GRM7: variants seen among roughly 807,000 people sequenced by gnomAD.
GRM7 encodes the protein glutamate metabotropic receptor 7, also known as metabotropic glutamate receptor 7.
In GRM7, 35 loss-of-function variants were observed where a neutral mutation model predicts 84.5. The observed-to-expected ratio is 0.41, with a 90% CI of 0.32 to 0.55. The LOEUF (loss-of-function observed/expected upper bound fraction) is 0.55. Ranked by LOEUF, GRM7 falls within the 20% of genes least tolerant of loss-of-function variation. GRM7 has a pLI of 0.19. For synonymous variants in GRM7, 487 were observed against 455.1 expected (o/e 1.07, Z -0.89); for missense variants, 1,003 against 1,194.6 (o/e 0.84, Z 2.36).
intron 6 of GRM7, among the ~76,000 whole-genome samples, chr3:7,453,739 T>G (rs1311295668): frequency 1.3e-5 from 2 of 152,028 alleles, no homozygotes; most frequent in Non-Finnish European, 2.9e-5. Context: ...TTCATTGGAA[T>G]AGGCATGATC....
chr3:7,738,988 G>C (rs1468035938), intron 9 of GRM7, among the ~76,000 whole-genome samples: 1 of 152,178 alleles, frequency 6.6e-6, no homozygotes, highest in Admixed American at 6.5e-5. Context: ...ATCAAATGAG[G>C]ACATACGGTG....
intron 2 of GRM7, among the ~76,000 whole-genome samples, chr3:7,267,174 C>A (rs548989718): frequency 6.6e-6 from 1 of 152,174 alleles, no homozygotes; most frequent in Non-Finnish European, 1.5e-5. Context: ...TCGAAGTTCA[C>A]TGATTGATAC....
chr3:7,056,215 C>T (rs1196389675), intron 1 of GRM7, among the ~76,000 whole-genome samples: 1 of 152,010 alleles, frequency 6.6e-6, no homozygotes, highest in East Asian at 1.9e-4. Context: ...CAACGCAGGG[C>T]TTCTGGCAGC....
intron 1 of GRM7, among the ~76,000 whole-genome samples, chr3:7,095,274 T>A (rs975892794): frequency 6.6e-6 from 1 of 152,166 alleles, no homozygotes; most frequent in Non-Finnish European, 1.5e-5. Flanking sequence ...GAGTCTCCAG[T>A]TCCACTCTTT....
intron 2 of GRM7, among the ~76,000 whole-genome samples, chr3:7,170,891 T>C (rs1469961623): frequency 6.6e-6 from 1 of 152,204 alleles, no homozygotes; most frequent in Non-Finnish European, 1.5e-5. Flanking sequence ...CATTTCCTCC[T>C]GGTCCTTCAA....
intron 7 of GRM7, among the ~76,000 whole-genome samples, chr3:7,497,467 G>T (rs906008189): frequency 1.3e-5 from 2 of 152,080 alleles, no homozygotes; most frequent in Non-Finnish European, 2.9e-5. Context: ...ATTTACTACA[G>T]TCTCTACCAA....
chr3:7,311,974 A>G (rs929046910), intron 4 of GRM7, among the ~76,000 whole-genome samples: 4 of 152,188 alleles, frequency 2.6e-5, no homozygotes, highest in African/African-American at 9.6e-5. Flanking sequence ...AAATGCTTTT[A>G]CCTGTAAGAA....
chr3:7,172,349 A>G (rs987171910), intron 2 of GRM7, among the ~76,000 whole-genome samples: 1 of 152,204 alleles, frequency 6.6e-6, no homozygotes, highest in African/African-American at 2.4e-5. Flanking sequence ...AAGGTAAGGA[A>G]GTGAACAGGA....
chr3:7,051,768 G>A (rs1436381962), intron 1 of GRM7, among the ~76,000 whole-genome samples: 1 of 151,698 alleles, frequency 6.6e-6, no homozygotes, highest in Non-Finnish European at 1.5e-5. Flanking sequence ...TTCTGCAGTA[G>A]TTCCTATTGA....
chr3:7,084,730 A>G (rs1698384515), intron 1 of GRM7, among the ~76,000 whole-genome samples: 2 of 152,144 alleles, frequency 1.3e-5, no homozygotes, highest in Admixed American at 1.3e-4. Flanking sequence ...TTAATAAATC[A>G]GTTTTAGTTG....
chr3:7,309,699 G>C (rs1700324159), intron 4 of GRM7, among the ~76,000 whole-genome samples: 1 of 152,074 alleles, frequency 6.6e-6, no homozygotes, highest in Non-Finnish European at 1.5e-5. Flanking sequence ...CTTTGAAAGT[G>C]GCCTTTCTCT....
At chr3:7,365,725 C>T (rs2125110893) in intron 4 of GRM7, among the ~76,000 whole-genome samples, 1 of 147,120 alleles carries the variant, frequency 6.8e-6, no homozygotes, top group African/African-American at 2.5e-5. Context: ...ATAATTTATA[C>T]TTTATCTCTT....
chr3:7,165,560 T>C (rs1222363395), intron 2 of GRM7, among the ~76,000 whole-genome samples: 1 of 152,226 alleles, frequency 6.6e-6, no homozygotes, highest in Non-Finnish European at 1.5e-5. Context: ...TAACAGAATG[T>C]AACATTGGTA....
rs1699980790 is a variant in GRM7 at position 7,672,941 on chromosome 3, C to T, written c.2452-7108C>T. Among the ~76,000 whole-genome samples, 4 of 152,076 alleles carry T rather than the reference C, an allele frequency of 2.6e-5. No individual in the cohort carries two copies. In the South Asian group the frequency reaches 6.2e-4, roughly 24 times the overall value. ...ATGGAAGCAAACTAAACGAGATGTTCCCCCTAAAACAGGCTGTTGTTTTTC... is the reference window on the plus strand; with the variant it reads ...ATGGAAGCAAACTAAACGAGATGTTTCCCCTAAAACAGGCTGTTGTTTTTC... On this transcript the variant is annotated intron_variant, in intron 8 of 9. Transcript: ENST00000357716.
At chr3:6,893,063 T>G (rs1272660235) in intron 1 of GRM7, 1 of 152,162 alleles carries the variant, frequency 6.6e-6, no homozygotes, top group East Asian at 1.9e-4. Flanking sequence ...ATGAAGGGCA[T>G]ATCATCTTAA....
intron 4 of GRM7, among the ~76,000 whole-genome samples, chr3:7,310,279 A>G (rs1014905812): frequency 7.3e-6 from 1 of 137,478 alleles, no homozygotes; most frequent in Non-Finnish European, 1.5e-5. Flanking sequence ...GGACTGTAGA[A>G]CAGCTTGGTT....
chr3:7,552,750 G>A (rs552244643), intron 7 of GRM7, among the ~76,000 whole-genome samples: 18 of 152,324 alleles, frequency 1.2e-4, no homozygotes, highest in African/African-American at 4.1e-4. Context: ...GCAAAGCAGC[G>A]AGGCCCGGGG....
At chr3:7,606,310 T>A (rs1229706537) in intron 8 of GRM7, among the ~76,000 whole-genome samples, 1 of 152,136 alleles carries the variant, frequency 6.6e-6, no homozygotes, top group African/African-American at 2.4e-5. Context: ...AGGAACCCTC[T>A]ATGAAACTTC....
chr3:7,199,859 A>T (rs188975686), intron 2 of GRM7, among the ~76,000 whole-genome samples: 587 of 152,324 alleles, frequency 3.9e-3, no homozygotes, highest in Non-Finnish European at 6.2e-3. Context: ...ATATATATGG[A>T]ATCTTAACAT....
Sources: gnomAD v4.1 joint callset for allele counts (sites outside exome capture counted in the v4.1 genomes callset) on GRCh38, gnomAD v4.1.1 for gene constraint, MANE v1.5 for transcripts, NCBI Gene and HGNC (gene_info 2026-07-23, HGNC 2026-07-21) for gene names.